Variants in PPP2R2C observed in about 807,000 individuals in gnomAD.
The protein encoded by PPP2R2C is protein phosphatase 2, regulatory subunit B, gamma.
In PPP2R2C, 10 loss-of-function variants were observed where a neutral mutation model predicts 45.3. The ratio of observed to expected loss-of-function variants is 0.22; its 90% CI spans 0.14 to 0.37. PPP2R2C has a LOEUF of 0.37. Among genes scored for constraint, PPP2R2C ranks in the 10% least tolerant of loss-of-function variants. The pLI, the probability that PPP2R2C is intolerant of heterozygous loss-of-function variation, is 1.00. For synonymous variants in PPP2R2C, 257 were observed against 245.4 expected, an observed-to-expected ratio of 1.05 and a Z score of -0.44; for missense variants, 308 against 619.7, an observed-to-expected ratio of 0.50 and a Z score of 5.34.
intron 6 of PPP2R2C, among the ~76,000 whole-genome samples, chr4:6,333,971 C>T (rs1732628401): frequency 6.6e-6 from 1 of 152,190 alleles, no homozygotes; most frequent in Non-Finnish European, 1.5e-5. Context: ...CTGGCTAAAA[C>T]CCATGCCTGG....
chr4:6,359,919 G>A (rs1334627268), intron 5 of PPP2R2C, among the ~76,000 whole-genome samples: 1 of 152,248 alleles, frequency 6.6e-6, no homozygotes, highest in East Asian at 1.9e-4. Context: ...TTCTGGCAAG[G>A]AGCTCAAGAG....
chr4:6,458,497 C>G (rs1721161767), intron 1 of PPP2R2C, among the ~76,000 whole-genome samples: 1 of 152,120 alleles, frequency 6.6e-6, no homozygotes, highest in South Asian at 2.1e-4. Flanking sequence ...AGGGCTCCAC[C>G]CTCACAACCT....
At chr4:6,419,572 CAA>C (rs990705815) in intron 1 of PPP2R2C, among the ~76,000 whole-genome samples, 8 of 152,278 alleles carry the variant, frequency 5.3e-5, no homozygotes, top group African/African-American at 1.7e-4. Context: ...CCTCATTTTG[CAA>C]AAGAGGAGTA....
chr4:6,532,739 T>G (rs561855617), intron 2 of PPP2R2C, among the ~76,000 whole-genome samples: 4 of 152,306 alleles, frequency 2.6e-5, no homozygotes, highest in African/African-American at 7.2e-5. Flanking sequence ...GCAGCCGCCA[T>G]CTGGATCACT....
At chr4:6,416,629 C>T (rs1718602563) in intron 1 of PPP2R2C, among the ~76,000 whole-genome samples, 1 of 152,256 alleles carries the variant, frequency 6.6e-6, no homozygotes, top group Admixed American at 6.5e-5. Context: ...GCTCCCCTCC[C>T]CCATCCTCTG....
At chr4:6,513,997 G>A (rs1395634760) in intron 2 of PPP2R2C, among the ~76,000 whole-genome samples, 1 of 152,234 alleles carries the variant, frequency 6.6e-6, no homozygotes, top group East Asian at 1.9e-4. Context: ...TTCAAATACA[G>A]ATGGGGTGTA....
chr4:6,389,057 G>A (rs1260785185), intron 1 of PPP2R2C, among the ~76,000 whole-genome samples: 6 of 152,124 alleles, frequency 3.9e-5, no homozygotes, highest in African/African-American at 9.7e-5. Flanking sequence ...CATCAAAGCC[G>A]TGGTAATCCA....
chr4:6,492,503 T>C (rs1029626538), intron 2 of PPP2R2C, among the ~76,000 whole-genome samples: 2 of 152,210 alleles, frequency 1.3e-5, no homozygotes, highest in African/African-American at 4.8e-5. Flanking sequence ...CTGGAGCGCA[T>C]GCTCAAGTGT....
chr4:6,442,322 C>T (rs764378731), intron 1 of PPP2R2C, among the ~76,000 whole-genome samples: 38 of 152,370 alleles, frequency 2.5e-4, no homozygotes, highest in African/African-American at 8.9e-4. Flanking sequence ...CAGCTCTGCC[C>T]GCTCTCAGCA....
chr4:6,441,250 A>G (rs1720137243), intron 1 of PPP2R2C, among the ~76,000 whole-genome samples: 1 of 152,024 alleles, frequency 6.6e-6, no homozygotes. Flanking sequence ...GAATCTCAAC[A>G]TTGCTACAGC....
intron 1 of PPP2R2C, chr4:6,381,337 T>C: frequency 6.6e-7 from 1 of 1,510,958 alleles, no homozygotes; most frequent in Non-Finnish European, 8.8e-7. Flanking sequence ...GGCACAGGCC[T>C]GGGGCGACCA....
chr4:6,560,306 C>T (rs956258853), intron 1 of PPP2R2C, among the ~76,000 whole-genome samples: 9 of 152,364 alleles, frequency 5.9e-5, no homozygotes, highest in Middle Eastern at 3.4e-3. Context: ...GAAGCAACTC[C>T]AAGCCAGGGG....
Position 6,341,366 on chromosome 4 carries a change from C to T in PPP2R2C, c.790+6480G>A, listed in dbSNP as rs191912348. On this transcript the variant is annotated intron_variant, in intron 6 of 8. Coordinates refer to ENST00000382599, the MANE Select transcript of PPP2R2C (RefSeq NM_020416.4). ...AAAAAAAAAAAAAAAAAACCCAGCTCACCCACAATTCCTGTAAGAGTTTTA... is the reference window on the plus strand; with the variant it reads ...AAAAAAAAAAAAAAAAAACCCAGCTTACCCACAATTCCTGTAAGAGTTTTA... Among the ~76,000 whole-genome samples the T allele has an allele frequency of 3.7e-3, 564 of 150,532 alleles. 2 individuals are homozygous for T. Among genetic ancestry groups the T allele is most frequent in the Middle Eastern group, 0.017 (5 of 286 alleles).
At chr4:6,372,199 TC>T (rs1714886006) in intron 5 of PPP2R2C, among the ~76,000 whole-genome samples, 1 of 152,188 alleles carries the variant, frequency 6.6e-6, no homozygotes, top group African/African-American at 2.4e-5. Context: ...AGGCCAGCAG[TC>T]CCTCGTCCAG....
rs963208863 is a variant in PPP2R2C at position 6,383,785 on chromosome 4, C to T, written c.71-2691G>A. Reference sequence around the variant, plus strand: ...GGGCAGGAGCCTCAGGCTTAATTCACGGCTTCAAATGGTGCCTGTATGCAG... The same window carrying T: ...GGGCAGGAGCCTCAGGCTTAATTCATGGCTTCAAATGGTGCCTGTATGCAG... On this transcript the variant is annotated intron_variant, in intron 1 of 8. Coordinates refer to ENST00000382599, the MANE Select transcript of PPP2R2C (RefSeq NM_020416.4). 54 of 1,012,476 alleles carry T rather than the reference C, an allele frequency of 5.3e-5. 1 individual carries two copies. The South Asian group carries it at 1.4e-3, about 27-fold the overall frequency. The allele number at this position is 1,012,476 out of a possible 1,614,324, so 62.7% of individuals were successfully genotyped here.
intron 1 of PPP2R2C, among the ~76,000 whole-genome samples, chr4:6,447,494 G>A (rs1720486837): frequency 6.6e-6 from 1 of 152,018 alleles, no homozygotes; most frequent in Non-Finnish European, 1.5e-5. Context: ...TATTTCAAGG[G>A]CCCAGCGCCA....
intron 1 of PPP2R2C, among the ~76,000 whole-genome samples, chr4:6,464,448 T>G (rs919530713): frequency 6.6e-6 from 1 of 151,790 alleles, no homozygotes; most frequent in Non-Finnish European, 1.5e-5. Flanking sequence ...GAGAGGAGAG[T>G]CCACATTTCA....
chr4:6,389,630 G>T (rs1716463331), intron 1 of PPP2R2C, among the ~76,000 whole-genome samples: 1 of 152,212 alleles, frequency 6.6e-6, no homozygotes, highest in Non-Finnish European at 1.5e-5. Flanking sequence ...CCTCCTCACG[G>T]AGTCCAGGTC....
chr4:6,379,341 A>G (rs898712883), intron 2 of PPP2R2C, among the ~76,000 whole-genome samples: 1 of 152,222 alleles, frequency 6.6e-6, no homozygotes, highest in Admixed American at 6.5e-5. Context: ...CTCATACGAC[A>G]ACACGAAACC....
Sources: allele counts gnomAD v4.1 joint callset (sites outside exome capture counted in the v4.1 genomes callset), GRCh38; gene constraint gnomAD v4.1.1; transcripts MANE v1.5; gene names NCBI Gene and HGNC (gene_info 2026-07-23, HGNC 2026-07-21).